Variants in ERICH1 observed in about 807,000 individuals in gnomAD.
ERICH1 encodes the protein glutamate-rich protein 1.
ERICH1 carries 56 observed loss-of-function variants against 39.6 expected under a neutral mutation model. The observed-to-expected ratio is 1.41, with a 90% CI of 1.14 to 1.77. ERICH1 has a LOEUF of 1.77. ERICH1 is among the 40% of genes most tolerant of loss of function. The pLI, the probability that ERICH1 is intolerant of heterozygous loss-of-function variation, is 0.00. For synonymous variants in ERICH1, 313 were observed against 223.6 expected, an observed-to-expected ratio of 1.40 and a Z score of -3.57; for missense variants, 826 against 575.4, an observed-to-expected ratio of 1.44 and a Z score of -4.45.
intron 1 of ERICH1, among the ~76,000 whole-genome samples, chr8:730,600 C>T (rs1022667331): frequency 1.3e-5 from 2 of 152,204 alleles, no homozygotes; most frequent in African/African-American, 4.8e-5. Context: ...TATTCTCCTC[C>T]TGTCTTTGGT....
At chr8:640,009 G>A (rs1221885265) in intron 3 of ERICH1, among the ~76,000 whole-genome samples, 1 of 152,224 alleles carries the variant, frequency 6.6e-6, no homozygotes, top group Non-Finnish European at 1.5e-5. Flanking sequence ...CATGCCCTGT[G>A]TGTGCCCGTG....
intron 1 of ERICH1, among the ~76,000 whole-genome samples, chr8:720,278 C>A (rs1340741806): frequency 6.6e-6 from 1 of 152,172 alleles, no homozygotes; most frequent in Non-Finnish European, 1.5e-5. Context: ...AGGAAACACA[C>A]CTGCCCCACG....
chr8:643,187 T>C (rs1339198499), intron 3 of ERICH1, among the ~76,000 whole-genome samples: 2 of 152,232 alleles, frequency 1.3e-5, no homozygotes, highest in African/African-American at 4.8e-5. Context: ...GCCCACATTC[T>C]GCCTCTCGTT....
chr8:689,725 C>T (rs1468930236), intron 3 of ERICH1, among the ~76,000 whole-genome samples: 1 of 152,170 alleles, frequency 6.6e-6, no homozygotes, highest in Non-Finnish European at 1.5e-5. Context: ...AGGTGCCCAG[C>T]GTCCCCACAG....
At position 668,756 on chromosome 8, in the gene ERICH1, T is replaced by A. The variant is rs144294718; in HGVS notation, c.1100A>T (p.Asp367Val). ...SRDAASAALA[D>V]AAEELLDRLA... ...GCGGTCCAGCAGCTCCTCAGCGGCA[T>A]CTGCGAGGGCAGCTGAAGCTGCATC... The change falls in exon 5 of 6, where the codon GAT becomes GTT. Residue 367 changes from aspartate (D) to valine (V), a missense_variant. Asp to Val is a radical substitution (Grantham distance 152). Coordinates refer to ENST00000262109, the MANE Select transcript of ERICH1 (RefSeq NM_207332.3). The A allele has an allele frequency of 2.1e-4, 341 of 1,612,572 alleles. 1 individual carries two copies. In the African/African-American group the frequency reaches 4.2e-3, roughly 20 times the overall value.
At chr8:653,034 G>A (rs558097823) in intron 3 of ERICH1, among the ~76,000 whole-genome samples, 1 of 152,312 alleles carries the variant, frequency 6.6e-6, no homozygotes, top group South Asian at 2.1e-4. Flanking sequence ...GTGGAAGACG[G>A]GGTAGAAATT....
Position 631,221 on chromosome 8 carries a change from G to A in ERICH1, c.977-15937C>T, listed in dbSNP as rs373808697. ...AACAGGGGTGCCTGCGCCATCCTCT[G>A]CTGTGTTTAATGCCTGGGTGCTGCC... On this transcript the variant is annotated intron_variant, in intron 3 of 3. Transcript: ENST00000522706. Among the ~76,000 whole-genome samples, 26 of 152,368 alleles carry A rather than the reference G, an allele frequency of 1.7e-4. 1 individual carries two copies. The highest frequency in any genetic ancestry group is 5.5e-4 in the African/African-American group (23 of 41,586).
At chr8:672,042 G>A (rs762694412) in intron 4 of ERICH1, 17 of 153,118 alleles carry the variant, frequency 1.1e-4, no homozygotes, top group Non-Finnish European at 2.3e-4. Flanking sequence ...GATTCCTGAA[G>A]ACAAGTGGCT....
intron 1 of ERICH1, among the ~76,000 whole-genome samples, chr8:718,502 T>C (rs1816548194): frequency 6.6e-6 from 1 of 152,214 alleles, no homozygotes; most frequent in Non-Finnish European, 1.5e-5. Flanking sequence ...TGAAAATATC[T>C]GATATAGGTG....
intron 3 of ERICH1, among the ~76,000 whole-genome samples, chr8:639,702 G>C (rs1338244235): frequency 1.6e-5 from 2 of 125,450 alleles, no homozygotes; most frequent in East Asian, 4.9e-4. Context: ...AAGCACCCTG[G>C]ATTCACAGCC....
chr8:706,946 C>A (rs1387891227), intron 2 of ERICH1, among the ~76,000 whole-genome samples: 1 of 152,062 alleles, frequency 6.6e-6, no homozygotes, highest in Admixed American at 6.6e-5. Context: ...CATGCAATAC[C>A]CATCAAAATT....
chr8:679,742 G>C (rs1052425049), intron 3 of ERICH1, among the ~76,000 whole-genome samples: 1 of 152,252 alleles, frequency 6.6e-6, no homozygotes, highest in Non-Finnish European at 1.5e-5. Context: ...AACAGGTCCT[G>C]TGACATCACT....
intron 1 of ERICH1, among the ~76,000 whole-genome samples, chr8:716,215 A>G (rs958094741): frequency 1.3e-5 from 2 of 152,022 alleles, no homozygotes; most frequent in African/African-American, 4.8e-5. Context: ...TGGCCCGAGG[A>G]CCCCCCACCA....
chr8:656,190 A>T (rs954601037), intron 3 of ERICH1, among the ~76,000 whole-genome samples: 3 of 151,884 alleles, frequency 2.0e-5, no homozygotes, highest in African/African-American at 7.3e-5. Context: ...GCATCTTCTA[A>T]ACTCCCCCGG....
chr8:628,896 C>T (rs1196655749), intron 3 of ERICH1, among the ~76,000 whole-genome samples: 1 of 152,182 alleles, frequency 6.6e-6, no homozygotes, highest in Non-Finnish European at 1.5e-5. Flanking sequence ...CCCTTCCGCT[C>T]ACGAACCTCG....
At chr8:638,668 G>C (rs953217041) in intron 3 of ERICH1, among the ~76,000 whole-genome samples, 2 of 152,148 alleles carry the variant, frequency 1.3e-5, no homozygotes, top group Non-Finnish European at 2.9e-5. Context: ...TTAAGTTGCT[G>C]TTGTGTCTCC....
intron 3 of ERICH1, chr8:640,556 G>A: frequency 6.6e-6 from 1 of 152,192 alleles, no homozygotes; most frequent in East Asian, 1.9e-4. Context: ...TGTTTCTAGT[G>A]AGAATGTAAT....
intron 3 of ERICH1, among the ~76,000 whole-genome samples, chr8:658,386 G>C (rs28393818): frequency 0.49 from 75,064 of 152,008 alleles, 18,576 homozygotes; most frequent in East Asian, 0.54. Context: ...GCCCCGGAAG[G>C]GGGTGGAGAC....
At chr8:709,687 C>A (rs1814260730) in intron 2 of ERICH1, among the ~76,000 whole-genome samples, 1 of 152,184 alleles carries the variant, frequency 6.6e-6, no homozygotes. Flanking sequence ...ACTTCAAAGG[C>A]CAAGTGCTTT....
Sources: gnomAD v4.1 joint callset for allele counts (sites outside exome capture counted in the v4.1 genomes callset) on GRCh38, gnomAD v4.1.1 for gene constraint, MANE v1.5 for transcripts, NCBI Gene and HGNC (gene_info 2026-07-23, HGNC 2026-07-21) for gene names.